Variants in CFAP276 observed in about 807,000 individuals in gnomAD.
CFAP276 encodes the protein cilia- and flagella-associated protein 276.
At chr1:109,107,773 GA>G in the CFAP276 span, 1 of 621,392 alleles carries the variant, frequency 1.6e-6, no homozygotes, top group South Asian at 2.1e-5. Flanking sequence ...ATAGTTTCAG[GA>G]GGCAGAGGCA....
the CFAP276 span, chr1:109,106,047 C>T: frequency 1.1e-5 from 18 of 1,613,588 alleles, no homozygotes; most frequent in Non-Finnish European, 1.5e-5. Context: ...GAAGAAGCCA[C>T]CATCTTTCTT....
At chr1:109,112,347 C>T in the CFAP276 span, among the ~76,000 whole-genome samples, 32 of 152,184 alleles carry the variant, frequency 2.1e-4, no homozygotes, top group African/African-American at 7.2e-4. Flanking sequence ...AACTTATACT[C>T]ACAATTGATT....
chr1:109,108,037 T>C, the CFAP276 span: 8 of 1,598,936 alleles, frequency 5.0e-6, no homozygotes, highest in East Asian at 1.6e-4. Flanking sequence ...TATGGCAATT[T>C]CTGCAAAAGA....
chr1:109,107,666 A>G, the CFAP276 span, among the ~76,000 whole-genome samples: 1 of 151,632 alleles, frequency 6.6e-6, no homozygotes, highest in African/African-American at 2.4e-5. Context: ...AAGTGGGAGG[A>G]TCGCTTGAGG....
the CFAP276 span, among the ~76,000 whole-genome samples, chr1:109,113,458 GAGAGAGAGA>G: frequency 1.4e-5 from 2 of 139,106 alleles, 1 homozygote; most frequent in African/African-American, 5.2e-5. Flanking sequence ...GAGAGAGAGA[GAGAGAGAGA>G]GGCCCACGTG....
the CFAP276 span, among the ~76,000 whole-genome samples, chr1:109,107,549 C>A: frequency 6.6e-6 from 1 of 151,990 alleles, no homozygotes; most frequent in South Asian, 2.1e-4. Context: ...GGGTTAGAGA[C>A]AAAAGGAAAA....
the CFAP276 span, chr1:109,107,192 G>T: frequency 1.7e-6 from 2 of 1,183,038 alleles, no homozygotes; most frequent in Non-Finnish European, 2.5e-6. Context: ...GTTCTATTGT[G>T]CTCTACTCTT....
chr1:109,106,386 G>A, the CFAP276 span: 3 of 1,059,590 alleles, frequency 2.8e-6, no homozygotes, highest in Non-Finnish European at 4.1e-6. Flanking sequence ...TATTAATCTG[G>A]TACTTGCCAA....
the CFAP276 span, chr1:109,107,022 G>A: frequency 3.8e-5 from 61 of 1,613,486 alleles, no homozygotes; most frequent in Admixed American, 2.7e-4. Context: ...GGTATCCTGC[G>A]TGGTTTTCTG....
the CFAP276 span, chr1:109,113,628 C>A: frequency 1.2e-6 from 2 of 1,613,732 alleles, no homozygotes; most frequent in East Asian, 2.2e-5. Context: ...GGAGGGAACA[C>A]GTACTGGGGC....
At chr1:109,112,469 A>T in the CFAP276 span, 1 of 1,350,544 alleles carries the variant, frequency 7.4e-7, no homozygotes, top group Non-Finnish European at 9.8e-7. Flanking sequence ...GCAGGCAGAA[A>T]ACAGACTTCC....
the CFAP276 span, among the ~76,000 whole-genome samples, chr1:109,113,197 C>T: frequency 3.3e-5 from 5 of 151,954 alleles, no homozygotes; most frequent in Non-Finnish European, 7.4e-5. Context: ...CGAGACCAGT[C>T]TGGGCAACAT....
At chr1:109,113,579 AT>A in the CFAP276 span, 2 of 1,581,660 alleles carry the variant, frequency 1.3e-6, no homozygotes, top group African/African-American at 2.7e-5. Flanking sequence ...GCACGGATGG[AT>A]TTGGCGGGAT....
At chr1:109,110,473 AC>A in the CFAP276 span, among the ~76,000 whole-genome samples, 2 of 152,080 alleles carry the variant, frequency 1.3e-5, no homozygotes, top group Non-Finnish European at 2.9e-5. Flanking sequence ...TGTTTCTGGC[AC>A]CATAATGCTG....
the CFAP276 span, among the ~76,000 whole-genome samples, chr1:109,112,155 C>T: frequency 6.6e-6 from 1 of 152,198 alleles, no homozygotes; most frequent in Non-Finnish European, 1.5e-5. Context: ...ATGCTAAACA[C>T]ACACATAACA....
chr1:109,112,435 C>T, the CFAP276 span, among the ~76,000 whole-genome samples: 2 of 152,154 alleles, frequency 1.3e-5, no homozygotes, highest in Non-Finnish European at 2.9e-5. Context: ...AAACGTTAGC[C>T]GACTTGAATA....
the CFAP276 span, among the ~76,000 whole-genome samples, chr1:109,113,423 AGAGAGAGAGAGAGAGAGAGAG>A: frequency 4.8e-5 from 3 of 62,614 alleles, no homozygotes; most frequent in Non-Finnish European, 1.1e-4. Flanking sequence ...AGAAAGAGAG[AGAGAGAGAGAGAGAGAGAGAG>A]AGAGAGAGAG....
the CFAP276 span, chr1:109,106,099 C>T: frequency 6.2e-7 from 1 of 1,609,700 alleles, no homozygotes; most frequent in Non-Finnish European, 8.5e-7. Context: ...TGAGGGGACA[C>T]TGTGGAGAAA....
the CFAP276 span, among the ~76,000 whole-genome samples, chr1:109,109,230 C>T: frequency 6.6e-6 from 1 of 152,104 alleles, no homozygotes; most frequent in East Asian, 2.0e-4. Context: ...GGGCGGATCA[C>T]CTGAGGTCAG....
Sources: allele counts gnomAD v4.1 joint callset (sites outside exome capture counted in the v4.1 genomes callset), GRCh38; gene constraint gnomAD v4.1.1; transcripts MANE v1.5; gene names NCBI Gene and HGNC (gene_info 2026-07-23, HGNC 2026-07-21).